The following BRDT variants were observed in gnomAD, a reference collection of about 807,000 sequenced individuals.
The protein encoded by BRDT is bromodomain testis associated, also known as bromodomain testis-specific protein.
A neutral mutation model predicts 113.9 loss-of-function variants in BRDT; 77 were observed. The observed-to-expected ratio is 0.68, with a 90% CI of 0.56 to 0.82. The LOEUF (loss-of-function observed/expected upper bound fraction) is 0.82. BRDT is among the 40% of genes least tolerant of loss of function. The probability of loss-of-function intolerance (pLI) is 0.00; values close to 1 mark genes in which losing one functional copy is unlikely to be tolerated. For missense variants in BRDT, 1,027 were observed against 1,105.4 expected (o/e 0.93, Z 1.01); for synonymous variants, 358 against 366.5 (o/e 0.98, Z 0.26).
At chr1:91,982,020 A>T (rs1284778807) in intron 12 of BRDT, among the ~76,000 whole-genome samples, 1 of 152,204 alleles carries the variant, frequency 6.6e-6, no homozygotes, top group East Asian at 1.9e-4. Context: ...CTCAATAAAT[A>T]ATTTCAAATC....
intron 12 of BRDT, among the ~76,000 whole-genome samples, chr1:91,986,269 T>G (rs1217675033): frequency 2.0e-5 from 3 of 152,106 alleles, no homozygotes; most frequent in Non-Finnish European, 2.9e-5. Flanking sequence ...CTTGAGTGAT[T>G]TATAGGGAGC....
intron 6 of BRDT, 49 bp downstream of exon 6, chr1:91,977,442 T>A: frequency 7.5e-7 from 1 of 1,338,386 alleles, no homozygotes; most frequent in Non-Finnish European, 1.0e-6. Context: ...ATTATAAAAG[T>A]AATTCATCAT....
intron 5 of BRDT, 145 bp downstream of exon 5, chr1:91,976,583 C>T (rs1399807298): frequency 2.3e-5 from 18 of 796,516 alleles, no homozygotes; most frequent in Non-Finnish European, 3.1e-5. Context: ...ACTGTTTCCG[C>T]CTCTCTATGC....
At chr1:91,964,873 C>A in intron 3 of BRDT, 109 bp downstream of exon 3, 11 of 687,714 alleles carry the variant, frequency 1.6e-5, no homozygotes, top group South Asian at 4.3e-5. Context: ...GTTTGAGATA[C>A]TTGACGTGTG....
In BRDT at chr1:91,949,520, G is replaced by A. The variant is rs1030538631; in HGVS notation, c.-200G>A. 6.6e-6 allele frequency: 1 copy of A among 152,250 alleles called. No individual in the cohort carries two copies. Among genetic ancestry groups the A allele is most frequent in the African/African-American group, 2.4e-5 (1 of 41,460 alleles). 9.4% of individuals were successfully genotyped at this position (152,250 alleles called of 1,614,324 possible). A position where few individuals can be genotyped will look rare whatever the true frequency, so the allele number is the denominator to read the frequency against. Reference sequence around the variant, plus strand: ...TTTGTAATATACAGGTAACATACAGGTAATGTACCCTCCACAGGGGGTGCT... The same window carrying A: ...TTTGTAATATACAGGTAACATACAGATAATGTACCCTCCACAGGGGGTGCT... On this transcript the variant is annotated 5_prime_UTR_variant, in exon 1 of 19. Transcript: ENST00000399546.
At chr1:91,952,598 G>C (rs1252700732) in intron 1 of BRDT, among the ~76,000 whole-genome samples, 1 of 152,042 alleles carries the variant, frequency 6.6e-6, no homozygotes, top group Non-Finnish European at 1.5e-5. Flanking sequence ...GAAGCTAGTA[G>C]ATAAATGTCG....
chr1:92,004,108 G>A (rs1319139951), intron 16 of BRDT, among the ~76,000 whole-genome samples: 1 of 151,920 alleles, frequency 6.6e-6, no homozygotes, highest in Non-Finnish European at 1.5e-5. Context: ...TACACTGAGG[G>A]ATTTATTTAT....
At chr1:92,001,470 C>T (rs896684319) in intron 15 of BRDT, among the ~76,000 whole-genome samples, 5 of 152,028 alleles carry the variant, frequency 3.3e-5, no homozygotes, top group African/African-American at 1.2e-4. Flanking sequence ...CTGAGGCGGG[C>T]AGATCACTGA....
At chr1:91,957,026 G>T (rs1451093189) in intron 1 of BRDT, among the ~76,000 whole-genome samples, 1 of 151,976 alleles carries the variant, frequency 6.6e-6, no homozygotes, top group African/African-American at 2.4e-5. Flanking sequence ...TAATTTATAG[G>T]TACTATGTAC....
intron 8 of BRDT, among the ~76,000 whole-genome samples, chr1:91,980,081 C>G (rs145034476): frequency 2.4e-3 from 363 of 152,192 alleles, no homozygotes; most frequent in African/African-American, 8.3e-3. Flanking sequence ...TTAAACTGTT[C>G]TGGAGCTCAA....
At position 91,980,835 on chromosome 1, in the gene BRDT, A is replaced by C. The variant is rs1025920043; in HGVS notation, c.1460+20A>C. 1 of 1,589,146 alleles carries C rather than the reference A, an allele frequency of 6.3e-7. No homozygotes were observed. Among genetic ancestry groups the C allele is most frequent in the African/African-American group, 1.4e-5 (1 of 73,120 alleles). Reference sequence around the variant, plus strand: ...GAGAAAGTAAGTATCTTTTATTATGATAGCTTATTAAGACAATAACGATAA... The same window carrying C: ...GAGAAAGTAAGTATCTTTTATTATGCTAGCTTATTAAGACAATAACGATAA... On this transcript the variant is annotated intron_variant, in intron 9 of 18. Coordinates refer to ENST00000399546, the MANE Select transcript of BRDT (RefSeq NM_207189.4).
chr1:91,998,582 T>C (rs938696569), intron 15 of BRDT, among the ~76,000 whole-genome samples: 2 of 152,044 alleles, frequency 1.3e-5, no homozygotes, highest in African/African-American at 4.8e-5. Context: ...TAATTGCAAA[T>C]GAAAAAGTAA....
chr1:91,994,867 C>CAAAAAAAA (rs11330809), intron 15 of BRDT, among the ~76,000 whole-genome samples: 15 of 65,474 alleles, frequency 2.3e-4, no homozygotes, highest in East Asian at 5.8e-4. Context: ...GACTCCGTCT[C>CAAAAAAAA]AAAAAAAAAA....
At chr1:91,997,246 T>A (rs1258215606) in intron 15 of BRDT, among the ~76,000 whole-genome samples, 1 of 152,124 alleles carries the variant, frequency 6.6e-6, no homozygotes, top group Non-Finnish European at 1.5e-5. Flanking sequence ...TTTTAGTACC[T>A]GTTGTGATGG....
chr1:91,960,430 TAAAC>T (rs1682315456), intron 1 of BRDT, among the ~76,000 whole-genome samples: 1 of 152,156 alleles, frequency 6.6e-6, no homozygotes, highest in South Asian at 2.1e-4. Context: ...TTAGGAAAAA[TAAAC>T]CAATCACAAA....
chr1:92,008,064 CCCA>C (rs1170103562), intron 18 of BRDT, among the ~76,000 whole-genome samples: 2 of 152,038 alleles, frequency 1.3e-5, no homozygotes, highest in Non-Finnish European at 2.9e-5. Context: ...ATTCCAGGCA[CCCA>C]CCACCACGCC....
At chr1:92,005,372 TCAAGGATGC>T in intron 18 of BRDT, 73 bp downstream of exon 18, 1 of 1,330,864 alleles carries the variant, frequency 7.5e-7, no homozygotes, top group Non-Finnish European at 9.9e-7. Flanking sequence ...TTTTGTATGT[TCAAGGATGC>T]ATTTGGGGTA....
chr1:91,972,809 T>C (rs1346617803), intron 4 of BRDT, among the ~76,000 whole-genome samples: 1 of 152,180 alleles, frequency 6.6e-6, no homozygotes, highest in Non-Finnish European at 1.5e-5. Context: ...TCCTAAGTTT[T>C]AGAGAGTAGT....
At chr1:91,985,964 T>G (rs1475107499) in intron 12 of BRDT, among the ~76,000 whole-genome samples, 2 of 152,192 alleles carry the variant, frequency 1.3e-5, no homozygotes, top group East Asian at 3.8e-4. Flanking sequence ...GAGAGCTCTA[T>G]GGACTGGAAT....
Sources: gnomAD v4.1 joint callset for allele counts (sites outside exome capture counted in the v4.1 genomes callset) on GRCh38, gnomAD v4.1.1 for gene constraint, MANE v1.5 for transcripts, NCBI Gene and HGNC (gene_info 2026-07-23, HGNC 2026-07-21) for gene names.